Variants in CSMD1 observed in about 807,000 individuals in gnomAD.
CSMD1 encodes the protein CUB and Sushi multiple domains 1.
A neutral mutation model predicts 417.5 loss-of-function variants in CSMD1; 213 were observed. That is an observed-to-expected ratio of 0.51 (90% CI 0.46 to 0.57). The LOEUF (loss-of-function observed/expected upper bound fraction) is 0.57, where lower values mean the gene tolerates loss of function less well. Among genes scored for constraint, CSMD1 ranks in the 20% least tolerant of loss-of-function variants. The probability of loss-of-function intolerance (pLI) is 0.00; values close to 1 mark genes in which losing one functional copy is unlikely to be tolerated. For synonymous variants in CSMD1, 2,862 were observed against 1,736.8 expected, an observed-to-expected ratio of 1.65 and a Z score of -16.11; for missense variants, 6,923 against 4,529.7, an observed-to-expected ratio of 1.53 and a Z score of -15.17.
At chr8:3,988,778 G>A (rs1297423076) in intron 5 of CSMD1, among the ~76,000 whole-genome samples, 1 of 152,194 alleles carries the variant, frequency 6.6e-6, no homozygotes, top group Admixed American at 6.5e-5. Context: ...GTGAAACAAT[G>A]CTGATTATGG....
intron 6 of CSMD1, among the ~76,000 whole-genome samples, chr8:3,746,913 G>C (rs535410441): frequency 2.0e-5 from 3 of 152,208 alleles, no homozygotes; most frequent in Non-Finnish European, 4.4e-5. Context: ...AGTGGGTCAG[G>C]ACACTGGCCT....
chr8:4,251,007 T>A (rs1025198181), intron 3 of CSMD1, among the ~76,000 whole-genome samples: 1 of 152,210 alleles, frequency 6.6e-6, no homozygotes, highest in African/African-American at 2.4e-5. Context: ...AAATCACAGT[T>A]AATGACAAGC....
chr8:4,231,831 C>G (rs916025649), intron 3 of CSMD1, among the ~76,000 whole-genome samples: 1 of 152,114 alleles, frequency 6.6e-6, no homozygotes, highest in African/African-American at 2.4e-5. Flanking sequence ...GGAAAAGCAC[C>G]CAGAATATCT....
At chr8:4,212,040 G>A (rs79920181) in intron 3 of CSMD1, among the ~76,000 whole-genome samples, 1 of 151,812 alleles carries the variant, frequency 6.6e-6, no homozygotes, top group Non-Finnish European at 1.5e-5. Context: ...GCAATAAAAG[G>A]ACCTTAATAA....
intron 25 of CSMD1, among the ~76,000 whole-genome samples, chr8:3,302,032 G>T (rs148941297): frequency 3.9e-4 from 60 of 152,154 alleles, no homozygotes; most frequent in African/African-American, 1.3e-3. Flanking sequence ...TTTTAGGTGG[G>T]AAATTATTGG....
At chr8:4,424,920 T>C (rs1023385751) in intron 2 of CSMD1, among the ~76,000 whole-genome samples, 1 of 152,096 alleles carries the variant, frequency 6.6e-6, no homozygotes, top group African/African-American at 2.4e-5. Flanking sequence ...AATAATTAAA[T>C]ACATTGGAAA....
intron 3 of CSMD1, among the ~76,000 whole-genome samples, chr8:4,142,633 C>G (rs1311070076): frequency 1.3e-5 from 2 of 150,928 alleles, no homozygotes; most frequent in Non-Finnish European, 2.9e-5. Context: ...TATTTAATTG[C>G]AAATGAGAGA....
rs61514704 is a variant in CSMD1, at chr8:4,425,331, C to G, written c.303-5266G>C. On this transcript the variant is annotated intron_variant, in intron 2 of 69. Transcript: ENST00000635120. ...TGTAGGGAAAATATATGCATGTGAT[C>G]TGATTTCAAATAGCTGCAATGAAAT... Among the ~76,000 whole-genome samples the G allele has an allele frequency of 3.2e-3, 476 of 147,324 alleles. 2 individuals are homozygous for G. The highest frequency in any genetic ancestry group is 0.011 in the African/African-American group (448 of 39,934).
intron 3 of CSMD1, among the ~76,000 whole-genome samples, chr8:4,234,348 A>G (rs1801920898): frequency 6.6e-6 from 1 of 152,130 alleles, no homozygotes; most frequent in African/African-American, 2.4e-5. Flanking sequence ...AGGCTCCTGA[A>G]GCAGCCTCTC....
intron 1 of CSMD1, among the ~76,000 whole-genome samples, chr8:4,816,958 T>G (rs1799242949): frequency 6.6e-6 from 1 of 152,122 alleles, no homozygotes; most frequent in Non-Finnish European, 1.5e-5. Flanking sequence ...GAAGGACAGC[T>G]ACCATTTAAC....
At chr8:4,185,240 G>C (rs1467187494) in intron 3 of CSMD1, among the ~76,000 whole-genome samples, 1 of 150,814 alleles carries the variant, frequency 6.6e-6, no homozygotes, top group Non-Finnish European at 1.5e-5. Context: ...TCTTGCCTTT[G>C]AATCCTGGCC....
At chr8:4,300,511 A>C (rs912343645) in intron 3 of CSMD1, among the ~76,000 whole-genome samples, 2 of 152,296 alleles carry the variant, frequency 1.3e-5, no homozygotes, top group Middle Eastern at 3.4e-3. Context: ...ACTGAAGGAA[A>C]TGTCCTTTAC....
intron 1 of CSMD1, among the ~76,000 whole-genome samples, chr8:4,894,090 A>T (rs1434721771): frequency 1.3e-5 from 2 of 152,044 alleles, no homozygotes; most frequent in Non-Finnish European, 2.9e-5. Flanking sequence ...TAGCTTACCA[A>T]AAGTCTTCAT....
At position 2,951,089 on chromosome 8, in the gene CSMD1, G is replaced by A. The variant is rs180782086; in HGVS notation, c.10201+25C>T. 1.4e-4 allele frequency: 225 copies of A among 1,604,526 alleles called. No homozygotes were observed. In the East Asian group the frequency reaches 1.7e-3, roughly 12 times the overall value. On this transcript the variant is annotated intron_variant, in intron 66 of 69. Coordinates refer to ENST00000635120, the MANE Select transcript of CSMD1 (RefSeq NM_033225.6). ...AGGTCTATTTCTGCTCACACCATGC[G>A]TTTAGTGAATTCTTCGGGACCTACC...
intron 3 of CSMD1, among the ~76,000 whole-genome samples, chr8:4,107,149 A>C (rs1801610541): frequency 6.6e-6 from 1 of 152,202 alleles, no homozygotes; most frequent in Non-Finnish European, 1.5e-5. Context: ...TCTACTACAC[A>C]CAATTCCAGT....
intron 5 of CSMD1, among the ~76,000 whole-genome samples, chr8:3,890,865 G>A (rs1806926043): frequency 6.6e-6 from 1 of 152,078 alleles, no homozygotes; most frequent in Admixed American, 6.6e-5. Flanking sequence ...TACAATGAGA[G>A]GATGAAAGAG....
At chr8:3,293,042 C>A (rs1053093529) in intron 25 of CSMD1, among the ~76,000 whole-genome samples, 1 of 151,990 alleles carries the variant, frequency 6.6e-6, no homozygotes, top group Non-Finnish European at 1.5e-5. Flanking sequence ...AATCTCTCAG[C>A]ATTTGCTTGT....
intron 50 of CSMD1, among the ~76,000 whole-genome samples, chr8:3,047,656 C>T (rs1811547753): frequency 1.3e-5 from 2 of 152,208 alleles, no homozygotes; most frequent in South Asian, 2.1e-4. Flanking sequence ...CTTCCTTTAC[C>T]CCCAACCAAC....
At chr8:4,281,321 A>G (rs1184503868) in intron 3 of CSMD1, among the ~76,000 whole-genome samples, 1 of 152,236 alleles carries the variant, frequency 6.6e-6, no homozygotes, top group Admixed American at 6.5e-5. Flanking sequence ...TAACTGCGAG[A>G]ACAGGTGGTC....
Sources: allele counts gnomAD v4.1 joint callset (sites outside exome capture counted in the v4.1 genomes callset), GRCh38; gene constraint gnomAD v4.1.1; transcripts MANE v1.5; gene names NCBI Gene and HGNC (gene_info 2026-07-23, HGNC 2026-07-21).